TEKT4: variants seen among roughly 807,000 people sequenced by gnomAD.
The protein encoded by TEKT4 is tektin-4.
A neutral mutation model predicts 46.0 loss-of-function variants in TEKT4; 46 were observed. The ratio of observed to expected loss-of-function variants is 1.00; its 90% CI spans 0.79 to 1.28. The LOEUF is 1.28. Ranked by LOEUF, TEKT4 falls within the 50% of genes most tolerant of loss-of-function variation. TEKT4 has a pLI of 0.00. For synonymous variants in TEKT4, 325 were observed against 265.8 expected, an observed-to-expected ratio of 1.22 and a Z score of -2.17; for missense variants, 790 against 622.9, an observed-to-expected ratio of 1.27 and a Z score of -2.85.
chr2:94,872,885 C>G, intron 1 of TEKT4: 1 of 1,289,416 alleles, frequency 7.8e-7, no homozygotes, highest in African/African-American at 1.5e-5. Flanking sequence ...CTGCCCGCAA[C>G]AAGGGCACCT....
intron 3 of TEKT4, 45 bp from the exon 4 acceptor site, chr2:94,874,731 G>A (rs782609392): frequency 1.4e-5 from 21 of 1,488,440 alleles, no homozygotes; most frequent in East Asian, 7.4e-5. Context: ...CCCAGCCTTC[G>A]GCAGAGCCTC....
At position 94,874,011 on chromosome 2, in the gene TEKT4, A is replaced by C. The variant is rs781940015; in HGVS notation, c.616A>C (p.Lys206Gln). The change falls in exon 3 of 6, where the codon AAG (lysine) becomes CAG (glutamine). Residue 206 changes from lysine to glutamine, a missense_variant. Transcript: ENST00000295201. ...KETCEMDWSD[K>Q]MEAYNIDETC... is the part of the protein sequence containing the mutation. ...GACCTGCGAGATGGACTGGTCAGAC[A>C]AGATGGAGGCCTACAACATCGACGA... is the stretch of plus-strand genomic sequence containing the variant. 6.2e-7 allele frequency: 1 copy of C among 1,613,690 alleles called. No homozygotes were observed.
Position 94,871,685 on chromosome 2 carries a change from A to G in TEKT4, c.106A>G (p.Thr36Ala), listed in dbSNP as rs782325983. 11 of 1,612,508 alleles carry G rather than the reference A, an allele frequency of 6.8e-6. No individual in the cohort carries two copies. The South Asian group carries it at 9.9e-5, about 14-fold the overall frequency. The part of the protein sequence containing the change: ...SSGLATASFR[T>A]SKYLLEEWFQ... ...CGGCCTGGCCACCGCCAGCTTCCGC[A>G]CCTCCAAGTACCTGCTGGAGGAGTG... Residue 36 changes from threonine (T) to alanine (A), a missense_variant, in exon 1 of 6, where the codon ACC becomes GCC. By Grantham distance (58) the Thr-to-Ala change is moderately conservative. Coordinates refer to ENST00000295201, the MANE Select transcript of TEKT4 (RefSeq NM_144705.4).
rs17120062 is a variant in TEKT4, at chr2:94,876,688, C to A, written c.1227C>A (p.Asn409Lys). The A allele has an allele frequency of 1.9e-6, 3 of 1,613,216 alleles. No homozygotes were observed. Among genetic ancestry groups the A allele is most frequent in the Middle Eastern group, 1.7e-4 (1 of 6,060 alleles). Residue 409 changes from asparagine to lysine, a missense_variant, in exon 6 of 6, where the codon AAC becomes AAA. Transcript: ENST00000295201. ...AGAAGGACATTGCCGCCATGACCAA[C>A]AGTCTCTTCATCGACCGCCAGAAGT... is the stretch of plus-strand genomic sequence containing the variant. ...SLEKDIAAMT[N>K]SLFIDRQKCM...
rs1680761597 is a variant in TEKT4 at position 94,874,833 on chromosome 2, G to A, written c.771G>A (p.Gln257=). 1.2e-6 allele frequency: 2 copies of A among 1,606,224 alleles called. No individual in the cohort carries two copies. The highest frequency in any genetic ancestry group is 1.7e-6 in the Non-Finnish European group (2 of 1,177,428). The change falls in exon 4 of 6, where the codon CAG becomes CAA. Residue 257 remains glutamine, a synonymous_variant. Transcript: ENST00000295201. ...CGCAGGACAATCTGTGCCGTGCCCA[G>A]CGCGAGCGCCTGGCCTCGGCCAACC... ...KFTQDNLCRA[Q]RERLASANLR... is the part of the protein sequence containing the mutation.
chr2:94,875,768 C>G, intron 5 of TEKT4, 26 bp downstream of exon 5: 2 of 1,607,010 alleles, frequency 1.2e-6, no homozygotes, highest in Non-Finnish European at 1.7e-6. Flanking sequence ...CTGAGGCAGT[C>G]CCAGGTGGCC....
At chr2:94,872,889 G>A in intron 1 of TEKT4, 1 of 1,289,304 alleles carries the variant, frequency 7.8e-7, no homozygotes, top group Non-Finnish European at 1.0e-6. Context: ...CCGCAACAAG[G>A]GCACCTGCCA....
chr2:94,871,496 G>A lies in TEKT4; in HGVS notation c.-84G>A. ...GCTCTGGGACTGAGCCGTTGGAGCTGCCCCGCTGACCGCACTAGGCTGACC... is the reference window on the plus strand; with the variant it reads ...GCTCTGGGACTGAGCCGTTGGAGCTACCCCGCTGACCGCACTAGGCTGACC... On this transcript the variant is annotated 5_prime_UTR_variant, in exon 1 of 6. Coordinates refer to ENST00000295201, the MANE Select transcript of TEKT4 (RefSeq NM_144705.4). The A allele has an allele frequency of 2.1e-6, 3 of 1,447,810 alleles. No homozygotes were observed. The highest frequency in any genetic ancestry group is 2.7e-6 in the Non-Finnish European group (3 of 1,099,990). The allele number at this position is 1,447,810 out of a possible 1,614,324, so 89.7% of individuals were successfully genotyped here. A position where few individuals can be genotyped will look rare whatever the true frequency, so the allele number is the denominator to read the frequency against.
chr2:94,876,734 T>C lies in TEKT4; in HGVS notation c.1273T>C (p.Tyr425His), dbSNP rs1338884584. The C allele has an allele frequency of 1.2e-6, 2 of 1,610,000 alleles. No homozygotes were observed. Reference protein sequence around the residue: ...RQKCMAHRTRYPTILQLAGYQ With the variant: ...RQKCMAHRTRHPTILQLAGYQ ...GAAGTGCATGGCCCATCGTACTCGCTACCCCACCATCCTGCAGCTGGCTGG... is the reference window on the plus strand; with the variant it reads ...GAAGTGCATGGCCCATCGTACTCGCCACCCCACCATCCTGCAGCTGGCTGG... Residue 425 changes from tyrosine to histidine, a missense_variant, in exon 6 of 6, where the codon TAC (tyrosine) becomes CAC (histidine). Transcript: ENST00000295201.
Position 94,876,637 on chromosome 2 carries a change from C to A in TEKT4, c.1176C>A (p.Asn392Lys), listed in dbSNP as rs782734031. 5 of 1,613,142 alleles carry A rather than the reference C, an allele frequency of 3.1e-6. No homozygotes were observed. The highest frequency in any genetic ancestry group is 2.7e-5 in the African/African-American group (2 of 74,922). ...TAGAAGCGGAGCAGTCCCTGCGCAA[C>A]CTCGAGGACATCCACATGAGCCTGG... The part of the protein sequence containing the change: ...KLLEAEQSLR[N>K]LEDIHMSLEK... The change falls in exon 6 of 6, where the codon AAC (asparagine) becomes AAA (lysine). Residue 392 changes from asparagine (N) to lysine (K), a missense_variant. Asn to Lys is a moderately conservative substitution (Grantham distance 94, BLOSUM62 0). Coordinates refer to ENST00000295201, the MANE Select transcript of TEKT4 (RefSeq NM_144705.4).
chr2:94,871,574 G>T lies in TEKT4; in HGVS notation c.-6G>T. ...ACTCCCCTGGCCCTGGTGGGCGGCAGGCACCATGGCGCAGACAGTGCCGCC... is the reference window on the plus strand; with the variant it reads ...ACTCCCCTGGCCCTGGTGGGCGGCATGCACCATGGCGCAGACAGTGCCGCC... On this transcript the variant is annotated 5_prime_UTR_variant, in exon 1 of 6. The change creates a new upstream start codon in the 5' untranslated region. Coordinates refer to ENST00000295201, the MANE Select transcript of TEKT4 (RefSeq NM_144705.4). 6.3e-7 allele frequency: 1 copy of T among 1,593,588 alleles called. No individual in the cohort carries two copies. The highest frequency in any genetic ancestry group is 8.5e-7 in the Non-Finnish European group (1 of 1,170,224).
In TEKT4 at chr2:94,871,891, G is replaced by A; in HGVS notation, c.312G>A (p.Glu104=). 6.3e-7 allele frequency: 1 copy of A among 1,597,446 alleles called. No individual in the cohort carries two copies. Among genetic ancestry groups the A allele is most frequent in the Non-Finnish European group, 8.5e-7 (1 of 1,175,772 alleles). ...AGGACACGCACAGCTGGAAGTCGGA[G>A]CTGCAGCGTGAGATGGAGGCGCTGG... ...RLQDTHSWKS[E]LQREMEALAA... The change falls in exon 1 of 6, where the codon GAG becomes GAA. Residue 104 remains glutamate (E), a synonymous_variant. Coordinates refer to ENST00000295201, the MANE Select transcript of TEKT4 (RefSeq NM_144705.4).
chr2:94,876,502 GCA>G (rs1558609962), intron 5 of TEKT4, 49 bp from the exon 6 acceptor site: 1 of 1,519,110 alleles, frequency 6.6e-7, no homozygotes, highest in South Asian at 1.2e-5. Flanking sequence ...CCCGGTAGGT[GCA>G]TACTTCTGCC....
chr2:94,872,104 T>C, intron 1 of TEKT4, 27 bp downstream of exon 1: 1 of 1,511,556 alleles, frequency 6.6e-7, no homozygotes, highest in Non-Finnish European at 8.8e-7. Context: ...GTGGCCGGGA[T>C]TTGTGGGCGC....
rs112524887 is a variant in TEKT4 at position 94,871,487 on chromosome 2, G to A, written c.-93G>A. On this transcript the variant is annotated 5_prime_UTR_variant, in exon 1 of 6. Transcript: ENST00000295201. ...CCGCGTCCTGCTCTGGGACTGAGCC[G>A]TTGGAGCTGCCCCGCTGACCGCACT... 40 of 1,433,508 alleles carry A rather than the reference G, an allele frequency of 2.8e-5. No homozygotes were observed. The Admixed American group carries it at 3.5e-4, about 13-fold the overall frequency. 88.8% of individuals were successfully genotyped at this position (1,433,508 alleles called of 1,614,324 possible).
At chr2:94,872,820 C>A (rs1394324533) in intron 1 of TEKT4, 1 of 1,289,416 alleles carries the variant, frequency 7.8e-7, no homozygotes, top group Non-Finnish European at 1.0e-6. Flanking sequence ...TCTGCAGGCC[C>A]TTCCCCCTGC....
Position 94,875,697 on chromosome 2 carries a change from C to T in TEKT4, c.1046C>T (p.Ser349Leu), listed in dbSNP as rs201206924. The T allele has an allele frequency of 6.2e-7, 1 of 1,614,178 alleles. No individual in the cohort carries two copies. The highest frequency in any genetic ancestry group is 1.7e-5 in the Admixed American group (1 of 60,030). Residue 349 changes from serine to leucine, a missense_variant, in exon 5 of 6, where the codon TCG becomes TTG. Coordinates refer to ENST00000295201, the MANE Select transcript of TEKT4 (RefSeq NM_144705.4). ...GCCCAGACCCGGCTGTACCTGCGCT[C>T]GCACCGGCCCAACATGGAGCTGTGC... is the stretch of plus-strand genomic sequence containing the variant. ...HVAQTRLYLR[S>L]HRPNMELCRD...
intron 1 of TEKT4, chr2:94,872,339 G>A (rs1354318013): frequency 1.1e-5 from 6 of 562,930 alleles, no homozygotes; most frequent in Non-Finnish European, 1.9e-5. Context: ...CTGACCCTGG[G>A]CTCCCTGGGC....
chr2:94,871,938 T>C lies in TEKT4; in HGVS notation c.359T>C (p.Leu120Pro). The change falls in exon 1 of 6, where the codon CTG becomes CCG. Residue 120 changes from leucine to proline, a missense_variant. By Grantham distance (98) the Leu-to-Pro change is moderately conservative. Coordinates refer to ENST00000295201, the MANE Select transcript of TEKT4 (RefSeq NM_144705.4). The stretch of plus-strand genomic sequence containing the variant: ...CTGGCTGCGGAGACCAACTTGCTCC[T>C]GGCCCAGAAGCAACGGCTGGAGCGC... Reference protein sequence around the residue: ...EALAAETNLLLAQKQRLERAL... With the variant: ...EALAAETNLLPAQKQRLERAL... 1 of 1,600,798 alleles carries C rather than the reference T, an allele frequency of 6.2e-7. No individual in the cohort carries two copies. Among genetic ancestry groups the C allele is most frequent in the Non-Finnish European group, 8.5e-7 (1 of 1,177,688 alleles).
Sources: allele counts gnomAD v4.1 joint callset, GRCh38; gene constraint gnomAD v4.1.1; transcripts MANE v1.5; gene names NCBI Gene and HGNC (gene_info 2026-07-23, HGNC 2026-07-21).